Variants in ADARB2 observed in about 807,000 individuals in gnomAD.
The protein encoded by ADARB2 is adenosine deaminase RNA specific B2 (inactive).
ADARB2 carries 25 observed loss-of-function variants against 62.2 expected under a neutral mutation model. That is an observed-to-expected ratio of 0.40 (90% CI 0.29 to 0.56). The LOEUF (loss-of-function observed/expected upper bound fraction) is 0.56. ADARB2 is among the 20% of genes least tolerant of loss of function. The pLI is 0.43. For missense variants in ADARB2, 1,071 were observed against 1,077.4 expected, an observed-to-expected ratio of 0.99 and a Z score of 0.08; for synonymous variants, 572 against 500.8, an observed-to-expected ratio of 1.14 and a Z score of -1.90.
rs181515386 is a variant in ADARB2, at chr10:1,184,545, C to A, written c.2043+316G>T. Reference sequence around the variant, plus strand: ...GGGAATAGTATCGACTTCAAAAGTCCCCAGGAGCTGCTTCTGGGACACCCC... The same window carrying A: ...GGGAATAGTATCGACTTCAAAAGTCACCAGGAGCTGCTTCTGGGACACCCC... On this transcript the variant is annotated intron_variant, in intron 9 of 9. Transcript: ENST00000381312. Among the ~76,000 whole-genome samples the A allele has an allele frequency of 1.5e-3, 234 of 152,242 alleles. 1 individual carries two copies. Among genetic ancestry groups the A allele is most frequent in the African/African-American group, 5.5e-3 (227 of 41,532 alleles).
chr10:1,195,390 T>G (rs74329327), intron 8 of ADARB2, among the ~76,000 whole-genome samples: 2 of 67,406 alleles, frequency 3.0e-5, no homozygotes, highest in Admixed American at 1.4e-4. Context: ...CTGTACACAG[T>G]TTTTTTTTTG....
At chr10:1,636,741 T>C (rs1356567015) in intron 1 of ADARB2, among the ~76,000 whole-genome samples, 1 of 149,668 alleles carries the variant, frequency 6.7e-6, no homozygotes, top group Non-Finnish European at 1.5e-5. Flanking sequence ...ACCGATATGA[T>C]GTATAATATA....
intron 1 of ADARB2, among the ~76,000 whole-genome samples, chr10:1,467,299 C>A (rs990666644): frequency 6.6e-6 from 1 of 152,172 alleles, no homozygotes; most frequent in Non-Finnish European, 1.5e-5. Flanking sequence ...GTTCTTCAAG[C>A]CCCCATCTTC....
intron 4 of ADARB2, among the ~76,000 whole-genome samples, chr10:1,248,874 G>A (rs1371304810): frequency 6.6e-6 from 1 of 152,238 alleles, no homozygotes; most frequent in Non-Finnish European, 1.5e-5. Context: ...AGCACAGTGA[G>A]TTTTGTAGAA....
intron 1 of ADARB2, among the ~76,000 whole-genome samples, chr10:1,564,845 G>C (rs1435731094): frequency 6.7e-6 from 1 of 148,704 alleles, no homozygotes; most frequent in Admixed American, 6.7e-5. Flanking sequence ...TAATAGCAAT[G>C]CCTTTTGCCT....
intron 1 of ADARB2, among the ~76,000 whole-genome samples, chr10:1,483,132 C>T (rs1247854510): frequency 6.6e-6 from 1 of 152,124 alleles, no homozygotes; most frequent in Non-Finnish European, 1.5e-5. Context: ...AGCTTTGAAC[C>T]TATGGTAAAC....
At position 1,460,554 on chromosome 10, in the gene ADARB2, G is replaced by A. The variant is rs574343392; in HGVS notation, c.101-81394C>T. 5.5e-3 allele frequency among the ~76,000 whole-genome samples: 494 copies of A among 89,188 alleles called. 32 individuals carry two copies. Among genetic ancestry groups the A allele is most frequent in the Admixed American group, 0.019 (170 of 9,098 alleles). 58.5% of individuals were successfully genotyped at this position (89,188 alleles called of 152,430 possible). A position where few individuals can be genotyped will look rare whatever the true frequency, so the allele number is the denominator to read the frequency against. ...CTGCCTGTGACCTGAGTTTACCTGC[G>A]TAACGAACCTGCCTGTGACCTGAGT... On this transcript the variant is annotated intron_variant, in intron 1 of 9. Coordinates refer to ENST00000381312, the MANE Select transcript of ADARB2 (RefSeq NM_018702.4).
intron 8 of ADARB2, chr10:1,186,681 G>A (rs1836763997): frequency 2.3e-6 from 1 of 443,772 alleles, no homozygotes; most frequent in Non-Finnish European, 4.5e-6. Context: ...AGATGGCGGT[G>A]CCTGCAGAGA....
At chr10:1,277,550 C>T (rs1387227884) in intron 3 of ADARB2, among the ~76,000 whole-genome samples, 1 of 152,106 alleles carries the variant, frequency 6.6e-6, no homozygotes, top group African/African-American at 2.4e-5. Flanking sequence ...CAAGACTAAA[C>T]CAGGAAGAAG....
At chr10:1,649,143 A>G (rs72766741) in intron 1 of ADARB2, among the ~76,000 whole-genome samples, 2,477 of 152,286 alleles carry the variant, frequency 0.016, 25 homozygotes, top group Non-Finnish European at 0.025. Flanking sequence ...ATTCATGCCC[A>G]TCTTTCCATT....
Position 1,363,348 on chromosome 10 carries a change from G to T in ADARB2, c.757C>A (p.Arg253=), listed in dbSNP as rs1407080444. 19 of 1,253,994 alleles carry T rather than the reference G, an allele frequency of 1.5e-5. No individual in the cohort carries two copies. The highest frequency in any genetic ancestry group is 1.8e-5 in the Non-Finnish European group (18 of 999,474). The allele number at this position is 1,253,994 out of a possible 1,614,324, so 77.7% of individuals were successfully genotyped here. A position where few individuals can be genotyped will look rare whatever the true frequency, so the allele number is the denominator to read the frequency against. The change falls in exon 3 of 10, where the codon CGA becomes AGA. Residue 253 remains arginine (R), a synonymous_variant. Coordinates refer to ENST00000381312, the MANE Select transcript of ADARB2 (RefSeq NM_018702.4). ...AGCGCGCGGCACAGCAGCCGCCGTC[G>T]CCCGTAGGCCGCGGACAGAAGCGCG... is the stretch of plus-strand genomic sequence containing the variant. ...DAALLSAAYG[R]RRLLCRALDL... is the part of the protein sequence containing the mutation.
At chr10:1,703,757 T>C (rs905440412) in intron 1 of ADARB2, among the ~76,000 whole-genome samples, 7 of 152,208 alleles carry the variant, frequency 4.6e-5, no homozygotes, top group Admixed American at 4.6e-4. Flanking sequence ...TCTGGGAGCG[T>C]TTCTTTGAAA....
chr10:1,509,118 C>T (rs561836564), intron 1 of ADARB2, among the ~76,000 whole-genome samples: 4 of 152,286 alleles, frequency 2.6e-5, no homozygotes, highest in East Asian at 1.9e-4. Context: ...GCTTTCACTG[C>T]GTGCCATGCC....
chr10:1,463,995 G>A (rs1831210967), intron 1 of ADARB2, among the ~76,000 whole-genome samples: 1 of 152,244 alleles, frequency 6.6e-6, no homozygotes, highest in African/African-American at 2.4e-5. Flanking sequence ...GGACACACCT[G>A]CGAGAGTGGC....
chr10:1,260,627 A>G (rs1374403506), intron 4 of ADARB2, among the ~76,000 whole-genome samples: 2 of 152,028 alleles, frequency 1.3e-5, no homozygotes, highest in Non-Finnish European at 1.5e-5. Flanking sequence ...GGAGAAATAC[A>G]AACCACTGAT....
At chr10:1,476,023 ACT>A (rs1831395500) in intron 1 of ADARB2, among the ~76,000 whole-genome samples, 1 of 151,982 alleles carries the variant, frequency 6.6e-6, no homozygotes, top group African/African-American at 2.4e-5. Context: ...AACAGTGAAA[ACT>A]CTTTGCATTT....
intron 1 of ADARB2, 23 bp downstream of exon 1, chr10:1,737,028 C>A: frequency 1.9e-6 from 3 of 1,607,312 alleles, no homozygotes; most frequent in Non-Finnish European, 2.5e-6. Context: ...GGGGCAGGGG[C>A]CGGCGCGCCA....
intron 1 of ADARB2, among the ~76,000 whole-genome samples, chr10:1,566,170 A>T (rs1832860922): frequency 6.7e-6 from 1 of 149,854 alleles, no homozygotes; most frequent in Non-Finnish European, 1.5e-5. Context: ...AATTGTTTGT[A>T]AGATGGTTTA....
intron 1 of ADARB2, among the ~76,000 whole-genome samples, chr10:1,692,465 T>C (rs1394423242): frequency 6.6e-6 from 1 of 152,166 alleles, no homozygotes; most frequent in Non-Finnish European, 1.5e-5. Flanking sequence ...GGGGTTTCCA[T>C]AGGATTGAGT....
Sources: allele counts gnomAD v4.1 joint callset (sites outside exome capture counted in the v4.1 genomes callset), GRCh38; gene constraint gnomAD v4.1.1; transcripts MANE v1.5; gene names NCBI Gene and HGNC (gene_info 2026-07-23, HGNC 2026-07-21).